RYR3: variants seen among roughly 807,000 people sequenced by gnomAD.
The protein encoded by RYR3 is ryanodine receptor 3, also known as brain ryanodine receptor-calcium release channel.
RYR3 carries 207 observed loss-of-function variants against 584.3 expected under a neutral mutation model. The ratio of observed to expected loss-of-function variants is 0.35; its 90% CI spans 0.32 to 0.40. The LOEUF (loss-of-function observed/expected upper bound fraction) is 0.40, where lower values mean the gene tolerates loss of function less well. RYR3 is among the 10% of genes least tolerant of loss of function. The pLI, the probability that RYR3 is intolerant of heterozygous loss-of-function variation, is 1.00. For missense variants in RYR3, 5,616 were observed against 6,089.2 expected (o/e 0.92, Z 2.59); for synonymous variants, 2,416 against 2,248.5 (o/e 1.07, Z -2.11).
intron 19 of RYR3, among the ~76,000 whole-genome samples, chr15:33,616,125 T>A (rs569835324): frequency 6.6e-6 from 1 of 152,330 alleles, no homozygotes; most frequent in East Asian, 1.9e-4. Context: ...GGTTTTTTAC[T>A]CATTTTCAAA....
intron 1 of RYR3, among the ~76,000 whole-genome samples, chr15:33,399,828 TATAC>T (rs2042536320): frequency 6.6e-6 from 1 of 152,190 alleles, no homozygotes; most frequent in Admixed American, 6.5e-5. Flanking sequence ...AATATGTGTG[TATAC>T]ATATATGTAT....
At chr15:33,320,294 A>C (rs1012949594) in intron 1 of RYR3, among the ~76,000 whole-genome samples, 1 of 152,230 alleles carries the variant, frequency 6.6e-6, no homozygotes, top group East Asian at 1.9e-4. Flanking sequence ...GGGCTTAATA[A>C]ATGATAGGCT....
At chr15:33,748,338 C>T (rs1435287010) in intron 54 of RYR3, 78 bp downstream of exon 54, 15 of 1,560,896 alleles carry the variant, frequency 9.6e-6, no homozygotes, top group Admixed American at 7.1e-5. Flanking sequence ...CCTGGGGCAT[C>T]GTAGGTGGGA....
At chr15:33,590,131 T>C (rs2059056833) in intron 16 of RYR3, among the ~76,000 whole-genome samples, 1 of 152,154 alleles carries the variant, frequency 6.6e-6, no homozygotes, top group Non-Finnish European at 1.5e-5. Flanking sequence ...GCTTCTGAGC[T>C]AGGAGAAGGA....
At chr15:33,583,135 C>T (rs1401977409) in intron 14 of RYR3, among the ~76,000 whole-genome samples, 1 of 152,168 alleles carries the variant, frequency 6.6e-6, no homozygotes, top group African/African-American at 2.4e-5. Context: ...GGCCCACCCC[C>T]AGAGTTTCTA....
chr15:33,513,595 C>G (rs528578822), intron 3 of RYR3, among the ~76,000 whole-genome samples: 216 of 152,338 alleles, frequency 1.4e-3, no homozygotes, highest in African/African-American at 5.0e-3. Flanking sequence ...TCTGCTTCCA[C>G]CTAGAGTTTC....
intron 2 of RYR3, among the ~76,000 whole-genome samples, chr15:33,482,118 C>T (rs1402249829): frequency 6.6e-6 from 1 of 152,074 alleles, no homozygotes; most frequent in Non-Finnish European, 1.5e-5. Context: ...GTTTCTTATA[C>T]TTCAGATCTG....
At chr15:33,825,978 C>T (rs763605447) in intron 82 of RYR3, among the ~76,000 whole-genome samples, 2 of 152,192 alleles carry the variant, frequency 1.3e-5, no homozygotes, top group Non-Finnish European at 1.5e-5. Context: ...AGGTGATCCA[C>T]CCCACCTTAG....
chr15:33,549,232 G>T (rs9302270), intron 9 of RYR3, among the ~76,000 whole-genome samples: 107,140 of 151,984 alleles, frequency 0.7, 39,243 homozygotes, highest in Middle Eastern at 0.86. Flanking sequence ...CTTAGTTCTT[G>T]CTTAATGGAC....
intron 1 of RYR3, among the ~76,000 whole-genome samples, chr15:33,409,625 C>T (rs1320339974): frequency 1.3e-5 from 2 of 152,160 alleles, no homozygotes; most frequent in East Asian, 1.9e-4. Flanking sequence ...TGTTCCATAT[C>T]CAGTATTTTG....
At chr15:33,539,900 A>G (rs974922507) in intron 6 of RYR3, among the ~76,000 whole-genome samples, 1 of 152,180 alleles carries the variant, frequency 6.6e-6, no homozygotes, top group African/African-American at 2.4e-5. Context: ...CACGTTGAAC[A>G]GGAGGAAGAG....
intron 69 of RYR3, 145 bp downstream of exon 69, chr15:33,802,106 A>G (rs541687498): frequency 2.0e-5 from 15 of 768,836 alleles, no homozygotes; most frequent in Non-Finnish European, 3.1e-5. Context: ...TGTTTCTTTG[A>G]GAACGAGCCA....
At chr15:33,497,081 C>A (rs1256318345) in intron 2 of RYR3, among the ~76,000 whole-genome samples, 1 of 152,208 alleles carries the variant, frequency 6.6e-6, no homozygotes, top group Non-Finnish European at 1.5e-5. Flanking sequence ...ATTGGGCTGA[C>A]TCTGGTTGCC....
At chr15:33,322,503 G>A (rs1271249603) in intron 1 of RYR3, among the ~76,000 whole-genome samples, 1 of 151,886 alleles carries the variant, frequency 6.6e-6, no homozygotes, top group Admixed American at 6.6e-5. Context: ...CCAACACTGG[G>A]GATTACAATT....
chr15:33,369,033 T>A (rs963410485), intron 1 of RYR3, among the ~76,000 whole-genome samples: 27 of 152,226 alleles, frequency 1.8e-4, no homozygotes, highest in Admixed American at 6.5e-5. Flanking sequence ...CCAGTTACTC[T>A]CTGCTCAATC....
At chr15:33,353,859 A>G (rs1973608368) in intron 1 of RYR3, among the ~76,000 whole-genome samples, 1 of 152,160 alleles carries the variant, frequency 6.6e-6, no homozygotes, top group African/African-American at 2.4e-5. Context: ...TGTAACACCT[A>G]TGTGAAAGAA....
chr15:33,358,513 T>A (rs1974298427), intron 1 of RYR3, among the ~76,000 whole-genome samples: 1 of 152,234 alleles, frequency 6.6e-6, no homozygotes, highest in African/African-American at 2.4e-5. Flanking sequence ...TTTGTACTTC[T>A]GTGAAAAGGC....
intron 5 of RYR3, among the ~76,000 whole-genome samples, chr15:33,537,049 C>T (rs12909478): frequency 0.14 from 21,139 of 152,168 alleles, 1,731 homozygotes; most frequent in Non-Finnish European, 0.18. Flanking sequence ...TAACTACTTT[C>T]ACTGCTATAA....
At chr15:33,419,352 T>C (rs888210134) in intron 1 of RYR3, among the ~76,000 whole-genome samples, 5 of 152,144 alleles carry the variant, frequency 3.3e-5, no homozygotes, top group African/African-American at 9.7e-5. Flanking sequence ...CTACTTGCAG[T>C]TGACTTTCGG....
Sources: gnomAD v4.1 joint callset for allele counts (sites outside exome capture counted in the v4.1 genomes callset) on GRCh38, gnomAD v4.1.1 for gene constraint, MANE v1.5 for transcripts, NCBI Gene and HGNC (gene_info 2026-07-23, HGNC 2026-07-21) for gene names.